PDZD2: variants seen among roughly 807,000 people sequenced by gnomAD.
The protein encoded by PDZD2 is PDZ domain-containing protein 2.
PDZD2 carries 90 observed loss-of-function variants against 220.7 expected under a neutral mutation model. The ratio of observed to expected loss-of-function variants is 0.41; its 90% CI spans 0.34 to 0.49. The LOEUF (loss-of-function observed/expected upper bound fraction) is 0.49. PDZD2 is among the 20% of genes least tolerant of loss of function. The pLI is 0.28. For synonymous variants in PDZD2, 1,375 were observed against 1,450.5 expected (o/e 0.95, Z 1.18); for missense variants, 3,174 against 3,608.5 (o/e 0.88, Z 3.08).
intron 14 of PDZD2, among the ~76,000 whole-genome samples, chr5:32,066,898 G>C (rs1177513581): frequency 6.6e-6 from 1 of 152,214 alleles, no homozygotes; most frequent in Non-Finnish European, 1.5e-5. Context: ...TAAAATGGTC[G>C]TCTGTGATAG....
intron 1 of PDZD2, among the ~76,000 whole-genome samples, chr5:31,741,388 C>T (rs1201118630): frequency 6.6e-6 from 1 of 150,590 alleles, no homozygotes; most frequent in Non-Finnish European, 1.5e-5. Context: ...AAAGGCTCCT[C>T]CCAGAATTTT....
chr5:31,668,867 T>C (rs377539682), intron 1 of PDZD2, among the ~76,000 whole-genome samples: 2 of 152,176 alleles, frequency 1.3e-5, no homozygotes, highest in African/African-American at 4.8e-5. Context: ...TTTTTGTTGT[T>C]TTAATAAAAA....
rs746954051 is a variant in PDZD2, at chr5:32,069,604, C to T, written c.2487C>T (p.Arg829=). The change falls in exon 15 of 25, where the codon CGC becomes CGT. Residue 829 remains arginine, a synonymous_variant. Coordinates refer to ENST00000438447, the MANE Select transcript of PDZD2 (RefSeq NM_178140.4). ...SEQEMDEVIA[R]STYQESKEAN... is the part of the protein sequence containing the mutation. ...AGGAAATGGATGAAGTCATAGCACG[C>T]AGCACTTATCAGGAGAGCAAAGAGG... 1.2e-6 allele frequency: 2 copies of T among 1,600,116 alleles called. No homozygotes were observed. Among genetic ancestry groups the T allele is most frequent in the South Asian group, 2.2e-5 (2 of 90,810 alleles).
intron 19 of PDZD2, among the ~76,000 whole-genome samples, chr5:32,084,225 C>T (rs1167867362): frequency 2.0e-5 from 3 of 152,196 alleles, no homozygotes; most frequent in Non-Finnish European, 2.9e-5. Context: ...GGGATCTCGA[C>T]GATCCAACCT....
At chr5:31,854,330 C>T (rs1436472976) in intron 2 of PDZD2, among the ~76,000 whole-genome samples, 1 of 152,160 alleles carries the variant, frequency 6.6e-6, no homozygotes, top group Non-Finnish European at 1.5e-5. Context: ...TGACTGAACC[C>T]CACAGAAGGT....
chr5:32,008,099 G>T (rs1251216444), intron 5 of PDZD2, among the ~76,000 whole-genome samples: 1 of 150,712 alleles, frequency 6.6e-6, no homozygotes, highest in African/African-American at 2.4e-5. Context: ...AGACCAGCCT[G>T]GTCAACATAG....
At position 31,697,874 on chromosome 5, in the gene PDZD2, C is replaced by T. The variant is rs1032415033; in HGVS notation, c.-361+58437C>T. 2.8e-4 allele frequency among the ~76,000 whole-genome samples: 42 copies of T among 150,234 alleles called. 1 individual carries two copies. Among genetic ancestry groups the T allele is most frequent in the Admixed American group, 2.5e-3 (37 of 15,052 alleles). The stretch of plus-strand genomic sequence containing the variant: ...CAGAAAGCAAGTCTCTACCTCCTTC[C>T]TTATTTCTTTATTATTATTATTATT... On this transcript the variant is annotated intron_variant, in intron 1 of 24. Coordinates refer to ENST00000438447, the MANE Select transcript of PDZD2 (RefSeq NM_178140.4).
chr5:32,104,144 A>G (rs773783675), intron 24 of PDZD2, among the ~76,000 whole-genome samples: 58 of 152,202 alleles, frequency 3.8e-4, no homozygotes, highest in Admixed American at 1.1e-3. Flanking sequence ...ATGGTGGCTC[A>G]TGCTTGTAAT....
Position 31,668,583 on chromosome 5 carries a change from G to A in PDZD2, c.-361+29146G>A, listed in dbSNP as rs772362581. ...GGATCATTTGGGTTTTGGAGTTGCG[G>A]TCTCCTGCTGTTCCTAACGTCATAA... is the stretch of plus-strand genomic sequence containing the variant. On this transcript the variant is annotated intron_variant, in intron 1 of 24. Transcript: ENST00000438447. Among the ~76,000 whole-genome samples the A allele has an allele frequency of 1.1e-4, 16 of 152,308 alleles. No homozygotes were observed. The South Asian group carries it at 1.5e-3, about 14-fold the overall frequency.
At chr5:31,986,253 G>A (rs532433666) in intron 3 of PDZD2, among the ~76,000 whole-genome samples, 4 of 152,060 alleles carry the variant, frequency 2.6e-5, no homozygotes, top group South Asian at 2.1e-4. Context: ...TTAAAAAGCC[G>A]CATGCCTATA....
intron 1 of PDZD2, among the ~76,000 whole-genome samples, chr5:31,720,669 T>C (rs1304278244): frequency 6.6e-6 from 1 of 152,216 alleles, no homozygotes; most frequent in African/African-American, 2.4e-5. Context: ...GCATATGATC[T>C]AGCATGAATT....
At chr5:31,749,904 GAC>G (rs1325891966) in intron 1 of PDZD2, among the ~76,000 whole-genome samples, 2 of 152,212 alleles carry the variant, frequency 1.3e-5, no homozygotes, top group African/African-American at 2.4e-5. Flanking sequence ...TAAGGAGAAA[GAC>G]AGTGTTCCTT....
chr5:31,670,104 G>C (rs953278510), intron 1 of PDZD2, among the ~76,000 whole-genome samples: 1 of 152,136 alleles, frequency 6.6e-6, no homozygotes, highest in African/African-American at 2.4e-5. Context: ...TAACTGCTAA[G>C]CTCACCCCTT....
At chr5:31,962,434 T>C (rs1748330741) in intron 2 of PDZD2, among the ~76,000 whole-genome samples, 1 of 152,036 alleles carries the variant, frequency 6.6e-6, no homozygotes, top group African/African-American at 2.4e-5. Context: ...CTGAAGAGCT[T>C]GTCTCAGAGG....
intron 1 of PDZD2, among the ~76,000 whole-genome samples, chr5:31,655,275 C>G (rs1284618465): frequency 6.6e-6 from 1 of 152,024 alleles, no homozygotes; most frequent in Non-Finnish European, 1.5e-5. Flanking sequence ...CGGGTTCAAG[C>G]GATTCTCCTG....
At chr5:32,009,804 G>GC (rs1457307310) in intron 5 of PDZD2, among the ~76,000 whole-genome samples, 1 of 151,794 alleles carries the variant, frequency 6.6e-6, no homozygotes, top group East Asian at 1.9e-4. Context: ...GAAACACTGA[G>GC]CTAAAGGCTG....
chr5:31,977,889 ACTT>A (rs1749926459), intron 2 of PDZD2, among the ~76,000 whole-genome samples: 1 of 152,082 alleles, frequency 6.6e-6, no homozygotes, highest in Non-Finnish European at 1.5e-5. Flanking sequence ...CAGGAGAATC[ACTT>A]GAACCTGGGA....
intron 1 of PDZD2, among the ~76,000 whole-genome samples, chr5:31,665,519 G>A (rs1745947533): frequency 6.6e-6 from 1 of 152,142 alleles, no homozygotes; most frequent in Non-Finnish European, 1.5e-5. Context: ...TAATCCCTAT[G>A]TGTCCAGGGA....
chr5:31,724,332 GTGGCTC>G (rs1448561272), intron 1 of PDZD2, among the ~76,000 whole-genome samples: 12 of 152,174 alleles, frequency 7.9e-5, no homozygotes, highest in Non-Finnish European at 1.6e-4. Flanking sequence ...GCCGGGCGCA[GTGGCTC>G]ACGCCTGTAA....
Sources: allele counts gnomAD v4.1 joint callset (sites outside exome capture counted in the v4.1 genomes callset), GRCh38; gene constraint gnomAD v4.1.1; transcripts MANE v1.5; gene names NCBI Gene and HGNC (gene_info 2026-07-23, HGNC 2026-07-21).